Variants in FGGY observed in about 807,000 individuals in gnomAD.
FGGY encodes the protein FGGY carbohydrate kinase domain-containing protein.
In FGGY, 72 loss-of-function variants were observed where a neutral mutation model predicts 71.3. That is an observed-to-expected ratio of 1.01 (90% confidence interval 0.84 to 1.23). FGGY has a LOEUF of 1.23. Among genes scored for constraint, FGGY ranks in the 50% most tolerant of loss-of-function variants. FGGY has a pLI of 0.00. For synonymous variants in FGGY, 251 were observed against 250.3 expected, an observed-to-expected ratio of 1.00 and a Z score of -0.02; for missense variants, 668 against 682.3, an observed-to-expected ratio of 0.98 and a Z score of 0.23.
intron 6 of FGGY, among the ~76,000 whole-genome samples, chr1:59,508,764 T>C (rs1294950990): frequency 6.6e-6 from 1 of 152,164 alleles, no homozygotes; most frequent in Non-Finnish European, 1.5e-5. Context: ...ATATTTGTCC[T>C]TGTATATATT....
intron 4 of FGGY, among the ~76,000 whole-genome samples, chr1:59,374,928 G>A (rs1435699089): frequency 9.0e-6 from 1 of 110,782 alleles, no homozygotes; most frequent in Non-Finnish European, 1.9e-5. Flanking sequence ...GGAGGGGGGA[G>A]GGGGGAGGGA....
chr1:59,425,117 G>C (rs574127530), intron 5 of FGGY, among the ~76,000 whole-genome samples: 2 of 152,112 alleles, frequency 1.3e-5, no homozygotes, highest in Admixed American at 1.3e-4. Flanking sequence ...CCGTAAAAGC[G>C]ATATCATATA....
At chr1:59,690,578 A>T (rs1323387756) in intron 14 of FGGY, among the ~76,000 whole-genome samples, 1 of 152,132 alleles carries the variant, frequency 6.6e-6, no homozygotes, top group Admixed American at 6.5e-5. Flanking sequence ...AGATGTTGCC[A>T]TGTTTGCTGA....
intron 11 of FGGY, among the ~76,000 whole-genome samples, chr1:59,642,020 T>C (rs2097034606): frequency 6.6e-6 from 1 of 152,166 alleles, no homozygotes; most frequent in African/African-American, 2.4e-5. Context: ...CCAGCCACTC[T>C]TTCAGTTCAT....
intron 7 of FGGY, among the ~76,000 whole-genome samples, chr1:59,525,917 C>A (rs1368563718): frequency 6.6e-6 from 1 of 152,100 alleles, no homozygotes; most frequent in East Asian, 1.9e-4. Flanking sequence ...GGTATTTATA[C>A]ATGTATGTGT....
intron 14 of FGGY, among the ~76,000 whole-genome samples, chr1:59,700,543 T>C (rs1229288887): frequency 6.6e-6 from 1 of 152,200 alleles, no homozygotes; most frequent in African/African-American, 2.4e-5. Flanking sequence ...CTTGAACTGC[T>C]TGGGAGTCAG....
chr1:59,532,944 T>C (rs990449165), intron 7 of FGGY, among the ~76,000 whole-genome samples: 7 of 152,026 alleles, frequency 4.6e-5, no homozygotes, highest in East Asian at 1.9e-4. Context: ...AATACAAAAC[T>C]CTATTTTATT....
At chr1:59,470,467 A>G (rs969311486) in intron 6 of FGGY, among the ~76,000 whole-genome samples, 1 of 152,154 alleles carries the variant, frequency 6.6e-6, no homozygotes, top group African/African-American at 2.4e-5. Flanking sequence ...CTGTGGCCCC[A>G]CTTCCCATTT....
At chr1:59,680,488 G>GAAA (rs536358649) in intron 14 of FGGY, among the ~76,000 whole-genome samples, 1 of 77,968 alleles carries the variant, frequency 1.3e-5, no homozygotes, top group Non-Finnish European at 2.8e-5. Context: ...GACCCCTCCA[G>GAAA]AAAAAAAAAA....
chr1:59,650,844 G>C (rs1165136460), intron 11 of FGGY, among the ~76,000 whole-genome samples: 5 of 148,098 alleles, frequency 3.4e-5, no homozygotes, highest in Admixed American at 2.6e-4. Flanking sequence ...TGTGATGTTA[G>C]GGTGTCAATT....
intron 5 of FGGY, among the ~76,000 whole-genome samples, chr1:59,398,579 C>T (rs531789802): frequency 3.3e-5 from 5 of 152,232 alleles, no homozygotes; most frequent in African/African-American, 1.2e-4. Flanking sequence ...AGGCCATTTG[C>T]CATGGGAAAA....
intron 5 of FGGY, among the ~76,000 whole-genome samples, chr1:59,454,422 A>G (rs1462890189): frequency 6.6e-6 from 1 of 152,152 alleles, no homozygotes; most frequent in African/African-American, 2.4e-5. Flanking sequence ...CTTATTAGAG[A>G]TGTATGTTGC....
intron 5 of FGGY, among the ~76,000 whole-genome samples, chr1:59,436,743 A>T (rs1451143572): frequency 6.6e-6 from 1 of 151,988 alleles, no homozygotes; most frequent in East Asian, 1.9e-4. Flanking sequence ...GTGCCTGGAG[A>T]CTGGGTAAAG....
chr1:59,298,967 T>G (rs2042363646), intron 1 of FGGY, among the ~76,000 whole-genome samples: 1 of 152,236 alleles, frequency 6.6e-6, no homozygotes, highest in African/African-American at 2.4e-5. Flanking sequence ...GAGTAAGACT[T>G]GGTCTCTGCT....
chr1:59,539,625 T>G (rs2095408491), intron 7 of FGGY, among the ~76,000 whole-genome samples: 3 of 152,260 alleles, frequency 2.0e-5, no homozygotes, highest in Admixed American at 2.0e-4. Flanking sequence ...GATTAAAAAC[T>G]TAAGTATGAA....
intron 4 of FGGY, among the ~76,000 whole-genome samples, chr1:59,352,702 A>G (rs114308143): frequency 2.0e-5 from 3 of 152,074 alleles, no homozygotes; most frequent in African/African-American, 2.4e-5. Flanking sequence ...TGAAAAGAAA[A>G]CCCTGCTGCA....
At chr1:59,736,154 C>T (rs563216730) in intron 14 of FGGY, among the ~76,000 whole-genome samples, 15 of 152,250 alleles carry the variant, frequency 9.9e-5, no homozygotes, top group Non-Finnish European at 1.5e-4. Flanking sequence ...GTGACTTGCT[C>T]CTCCTTGCCT....
rs74982437 is a variant in FGGY at position 59,758,064 on chromosome 1, C to A, written c.1574+72C>A. 3.7e-3 allele frequency: 3,937 copies of A among 1,053,124 alleles called. 106 individuals are homozygous for A. The African/African-American group carries it at 0.056, about 15-fold the overall frequency. 65.2% of individuals were successfully genotyped at this position (1,053,124 alleles called of 1,614,324 possible). ...TACACACACACATGCAACTATAGATCTGGAATAAACTCAGGTGGTCAACTA... is the reference window on the plus strand; with the variant it reads ...TACACACACACATGCAACTATAGATATGGAATAAACTCAGGTGGTCAACTA... On this transcript the variant is annotated intron_variant, in intron 15 of 15. Transcript: ENST00000303721.
chr1:59,426,289 A>G (rs1014459928), intron 5 of FGGY, among the ~76,000 whole-genome samples: 3 of 152,072 alleles, frequency 2.0e-5, no homozygotes, highest in Admixed American at 2.0e-4. Flanking sequence ...CCCCAGCAGA[A>G]ATGGATTGGG....
Sources: gnomAD v4.1 joint callset for allele counts (sites outside exome capture counted in the v4.1 genomes callset) on GRCh38, gnomAD v4.1.1 for gene constraint, MANE v1.5 for transcripts, NCBI Gene and HGNC (gene_info 2026-07-23, HGNC 2026-07-21) for gene names.